The following ATG101 variants were observed in gnomAD, a reference collection of about 807,000 sequenced individuals.
ATG101 encodes autophagy-related protein 101.
In ATG101, 6 loss-of-function variants were observed where a neutral mutation model predicts 16.7. The observed-to-expected ratio is 0.36, with a 90% CI of 0.20 to 0.71. The LOEUF (loss-of-function observed/expected upper bound fraction) is 0.71, where lower values mean the gene tolerates loss of function less well. ATG101 is among the 30% of genes least tolerant of loss of function. The probability of loss-of-function intolerance (pLI) is 0.57; values close to 1 mark genes in which losing one functional copy is unlikely to be tolerated. For synonymous variants in ATG101, 108 were observed against 118.1 expected, an observed-to-expected ratio of 0.91 and a Z score of 0.56; for missense variants, 200 against 292.5, an observed-to-expected ratio of 0.68 and a Z score of 2.31.
Position 52,073,786 on chromosome 12 carries a change from T to G in ATG101, c.136T>G (p.Ser46Ala), listed in dbSNP as rs1482050666. 1.9e-6 allele frequency: 3 copies of G among 1,614,224 alleles called. No individual in the cohort carries two copies. In the Admixed American group the frequency reaches 5.0e-5, roughly 27 times the overall value. Residue 46 changes from serine to alanine, a missense_variant, in exon 3 of 4, where the codon TCC becomes GCC. Coordinates refer to ENST00000336854, the MANE Select transcript of ATG101 (RefSeq NM_021934.5). ...CCACTACAAGAAGGAGGGCACCTAC[T>G]CCATTGGCACCGTGGGCACCCAGGA... ...KFHYKKEGTY[S>A]IGTVGTQDVD...
At chr12:52,073,999 T>G (rs557398368) in intron 3 of ATG101, 97 bp downstream of exon 3, 108 of 1,509,294 alleles carry the variant, frequency 7.2e-5, no homozygotes, top group Non-Finnish European at 9.6e-5. Context: ...TGAACCAGCC[T>G]TCTCTTCCTG....
At chr12:52,075,702 C>T (rs564514956) in intron 3 of ATG101, among the ~76,000 whole-genome samples, 11 of 152,196 alleles carry the variant, frequency 7.2e-5, no homozygotes, top group Non-Finnish European at 1.0e-4. Context: ...GTGGCAAGGG[C>T]AGAATCATTG....
In ATG101 at chr12:52,073,808, A is replaced by AT. The variant is rs1178556600; in HGVS notation, c.158_159insT (p.Gln53HisfsTer4). 6.2e-7 allele frequency: 1 copy of AT among 1,614,248 alleles called. No homozygotes were observed. Among genetic ancestry groups the AT allele is most frequent in the South Asian group, 1.1e-5 (1 of 91,092 alleles). ...TACTCCATTGGCACCGTGGGCACCC[A>AT]GGATGTTGACTGTGACTTCATCGAC... On this transcript the variant is annotated frameshift_variant, in exon 3 of 4. Transcript: ENST00000336854. LOFTEE classifies it high-confidence loss of function.
At chr12:52,069,476 C>G (rs551067894), upstream of ATG101, 3 of 152,496 alleles carry the variant, frequency 2.0e-5, no homozygotes, top group African/African-American at 7.2e-5. Flanking sequence ...TCCTGCAGTA[C>G]AGCGGTGTGG....
chr12:52,073,444 G>A (rs2701117), intron 2 of ATG101, 131 bp from the exon 3 acceptor site: 2 of 596,890 alleles, frequency 3.4e-6, no homozygotes, highest in Non-Finnish European at 2.9e-6. Flanking sequence ...TTGATGATTC[G>A]TTGATAGTGT....
chr12:52,077,220 T>A lies in ATG101; in HGVS notation c.*30T>A. ...CGCTGGATCTCTGGGAGCTCCTTGA[T>A]GGCTCCCAGACCTTGGCTTTTGGGA... is the stretch of plus-strand genomic sequence containing the variant. On this transcript the variant is annotated 3_prime_UTR_variant, in exon 4 of 4. Coordinates refer to ENST00000336854, the MANE Select transcript of ATG101 (RefSeq NM_021934.5). 1 of 1,603,678 alleles carries A rather than the reference T, an allele frequency of 6.2e-7. No homozygotes were observed. Among genetic ancestry groups the A allele is most frequent in the Non-Finnish European group, 8.5e-7 (1 of 1,172,754 alleles).
intron 3 of ATG101, among the ~76,000 whole-genome samples, chr12:52,074,556 A>G (rs932424627): frequency 3.3e-5 from 5 of 151,198 alleles, no homozygotes; most frequent in African/African-American, 1.2e-4. Flanking sequence ...CAGTCTCACT[A>G]TGTCACCCCA....
chr12:52,075,770 C>A (rs1172169289), intron 3 of ATG101, among the ~76,000 whole-genome samples: 3 of 152,220 alleles, frequency 2.0e-5, no homozygotes. Flanking sequence ...CAGGTCTGGT[C>A]TGTCCTTCAA....
At chr12:52,068,160 C>T (rs1939568305), upstream of ATG101, among the ~76,000 whole-genome samples, 2 of 151,330 alleles carry the variant, frequency 1.3e-5, no homozygotes, top group Non-Finnish European at 2.9e-5. Flanking sequence ...AATTCTTCTG[C>T]CTCAGCCTCC....
At chr12:52,075,318 G>A (rs913307530) in intron 3 of ATG101, among the ~76,000 whole-genome samples, 1 of 152,248 alleles carries the variant, frequency 6.6e-6, no homozygotes, top group Non-Finnish European at 1.5e-5. Context: ...GTGGAGCAGA[G>A]TGGTGAAGAG....
At position 52,077,100 on chromosome 12, in the gene ATG101, G is replaced by T. The variant is rs1196894053; in HGVS notation, c.567G>T (p.Leu189=). 1.2e-6 allele frequency: 2 copies of T among 1,614,188 alleles called. No individual in the cohort carries two copies. Among genetic ancestry groups the T allele is most frequent in the Non-Finnish European group, 1.7e-6 (2 of 1,180,038 alleles). ...GCTTGCGGGACGTGCAGCCCTACCT[G>T]TACAAGATCTCCTTCCAGATCACTG... ...DTGLRDVQPY[L]YKISFQITDA... is the part of the protein sequence containing the mutation. Residue 189 remains leucine (L), a synonymous_variant, in exon 4 of 4, where the codon CTG becomes CTT. Coordinates refer to ENST00000336854, the MANE Select transcript of ATG101 (RefSeq NM_021934.5).
At position 52,073,880 on chromosome 12, in the gene ATG101, G is replaced by A. The variant is rs1438516985; in HGVS notation, c.230G>A (p.Arg77His). The change falls in exon 3 of 4, where the codon CGC becomes CAC. Residue 77 changes from arginine to histidine, a missense_variant. Transcript: ENST00000336854. ...VSSEELDRAL[R>H]KVVGEFKDAL... ...TCTGAGGAACTGGATCGTGCCCTGCGCAAGGTTGTTGGGGAGTTCAAGGTA... is the reference window on the plus strand; with the variant it reads ...TCTGAGGAACTGGATCGTGCCCTGCACAAGGTTGTTGGGGAGTTCAAGGTA... The A allele has an allele frequency of 8.7e-6, 14 of 1,614,054 alleles. No homozygotes were observed. The highest frequency in any genetic ancestry group is 2.7e-5 in the African/African-American group (2 of 74,886).
Position 52,077,118 on chromosome 12 carries a change from G to C in ATG101, c.585G>C (p.Gln195His). ...VQPYLYKISF[Q>H]ITDALGTSVT... is the part of the protein sequence containing the mutation. ...CCTACCTGTACAAGATCTCCTTCCA[G>C]ATCACTGATGCCCTGGGCACCTCAG... The change falls in exon 4 of 4, where the codon CAG becomes CAC. Residue 195 changes from glutamine (Q) to histidine (H), a missense_variant. Transcript: ENST00000336854. 5.6e-6 allele frequency: 9 copies of C among 1,614,184 alleles called. No individual in the cohort carries two copies. The highest frequency in any genetic ancestry group is 7.6e-6 in the Non-Finnish European group (9 of 1,180,036).
At chr12:52,069,750 C>A (rs1028654303), upstream of ATG101, 1 of 152,236 alleles carries the variant, frequency 6.6e-6, no homozygotes, top group African/African-American at 2.4e-5. Flanking sequence ...GACTCGTCCA[C>A]ATGAGGGGGA....
upstream of ATG101, among the ~76,000 whole-genome samples, chr12:52,068,582 C>G (rs917510391): frequency 6.6e-6 from 1 of 152,052 alleles, no homozygotes; most frequent in East Asian, 1.9e-4. Flanking sequence ...GTCTTGAACC[C>G]CCGGCCCCAG....
intron 2 of ATG101, among the ~76,000 whole-genome samples, chr12:52,071,965 A>G (rs1487028036): frequency 2.0e-5 from 3 of 152,100 alleles, no homozygotes; most frequent in Non-Finnish European, 4.4e-5. Context: ...CTGGGCATGT[A>G]TTTAGTTATT....
upstream of ATG101, among the ~76,000 whole-genome samples, chr12:52,065,851 C>T (rs79198897): frequency 3.9e-5 from 6 of 152,302 alleles, no homozygotes; most frequent in East Asian, 1.2e-3. Flanking sequence ...CTCCCCCATA[C>T]ATATGTGGCG....
chr12:52,077,424 C>T lies in ATG101; in HGVS notation c.*234C>T. 3 of 568,372 alleles carry T rather than the reference C, an allele frequency of 5.3e-6. No homozygotes were observed. The highest frequency in any genetic ancestry group is 2.2e-5 in the South Asian group (1 of 44,460). The allele number at this position is 568,372 out of a possible 1,614,324, so 35.2% of individuals were successfully genotyped here. A position where few individuals can be genotyped will look rare whatever the true frequency, so the allele number is the denominator to read the frequency against. On this transcript the variant is annotated 3_prime_UTR_variant, in exon 4 of 4. Coordinates refer to ENST00000336854, the MANE Select transcript of ATG101 (RefSeq NM_021934.5). ...TCTCCATAGCCCTGGTGGGGTCCCC[C>T]TTCTTTCTCCACTGTACAGAAGAGC...
chr12:52,065,873 G>A (rs1939543717), upstream of ATG101, among the ~76,000 whole-genome samples: 1 of 152,126 alleles, frequency 6.6e-6, no homozygotes. Context: ...CAGAAAGAGA[G>A]GGATTGATTG....
Sources: allele counts gnomAD v4.1 joint callset (sites outside exome capture counted in the v4.1 genomes callset), GRCh38; gene constraint gnomAD v4.1.1; transcripts MANE v1.5; gene names NCBI Gene and HGNC (gene_info 2026-07-23, HGNC 2026-07-21).